Variants in SETX observed in about 807,000 individuals in gnomAD.
The protein encoded by SETX is helicase senataxin.
In SETX, 90 loss-of-function variants were observed where a neutral mutation model predicts 227.2. The observed-to-expected ratio is 0.40, with a 90% CI of 0.33 to 0.47. The LOEUF is 0.47. Ranked by LOEUF, SETX falls within the 20% of genes least tolerant of loss-of-function variation. The probability of loss-of-function intolerance (pLI) is 0.91; values close to 1 mark genes in which losing one functional copy is unlikely to be tolerated. For missense variants in SETX, 3,052 were observed against 3,181.5 expected, an observed-to-expected ratio of 0.96 and a Z score of 0.98; for synonymous variants, 1,210 against 1,113.2, an observed-to-expected ratio of 1.09 and a Z score of -1.73.
Position 132,349,251 on chromosome 9 carries a change from C to A in SETX, c.177+1G>T. The A allele has an allele frequency of 1.2e-6, 2 of 1,613,724 alleles. No individual in the cohort carries two copies. The highest frequency in any genetic ancestry group is 1.1e-5 in the South Asian group (1 of 91,062). On this transcript the variant is annotated splice_donor_variant, in intron 3 of 25. Transcript: ENST00000224140. LOFTEE classifies it high-confidence loss of function. ...AATATTGCCCATCTAATATATTTTA[C>A]CTCATGCAAGAATGGCAATTCATCT...
chr9:132,302,356 CAAAAAA>C (rs35649212), intron 11 of SETX, among the ~76,000 whole-genome samples: 2 of 27,802 alleles, frequency 7.2e-5, no homozygotes, highest in Admixed American at 4.0e-4. Context: ...GAATCCATCT[CAAAAAA>C]AAAAAAAAAA....
At chr9:132,302,694 A>T (rs554610304) in intron 11 of SETX, among the ~76,000 whole-genome samples, 1 of 150,874 alleles carries the variant, frequency 6.6e-6, no homozygotes, top group Non-Finnish European at 1.5e-5. Context: ...AAAAAAAAAA[A>T]AAAACCAGCA....
intron 10 of SETX, among the ~76,000 whole-genome samples, chr9:132,320,887 A>C (rs1042340094): frequency 9.2e-5 from 14 of 151,772 alleles, no homozygotes; most frequent in African/African-American, 3.2e-4. Context: ...GAATGGAACT[A>C]ACTCAGCAAG....
In SETX at chr9:132,349,386, T is replaced by C. The variant is rs151040199; in HGVS notation, c.43A>G (p.Ile15Val). ...GAAGCATAGCGCTTTAGGAAGTCAATGGTGGAAGCACCACCTGGCGTACAC... is the reference window on the plus strand; with the variant it reads ...GAAGCATAGCGCTTTAGGAAGTCAACGGTGGAAGCACCACCTGGCGTACAC... ...CWCTPGGAST[I>V]DFLKRYASNT... The change falls in exon 3 of 26, where the codon ATT becomes GTT. Residue 15 changes from isoleucine (I) to valine (V), a missense_variant. By Grantham distance (29) the Ile-to-Val change is conservative (BLOSUM62 3). Transcript: ENST00000224140. 1.8e-5 allele frequency: 29 copies of C among 1,614,058 alleles called. No homozygotes were observed. Among genetic ancestry groups the C allele is most frequent in the Non-Finnish European group, 2.4e-5 (28 of 1,180,050 alleles).
intron 11 of SETX, among the ~76,000 whole-genome samples, chr9:132,302,743 G>A (rs540538647): frequency 1.6e-4 from 23 of 141,570 alleles, no homozygotes; most frequent in African/African-American, 6.0e-4. Flanking sequence ...TTCTAAAACT[G>A]ATGACAATAA....
Position 132,328,962 on chromosome 9 carries a change from A to C in SETX, c.2636T>G (p.Phe879Cys). 1 of 1,609,486 alleles carries C rather than the reference A, an allele frequency of 6.2e-7. No individual in the cohort carries two copies. The highest frequency in any genetic ancestry group is 2.2e-5 in the East Asian group (1 of 44,850). Residue 879 changes from phenylalanine to cysteine, a missense_variant, in exon 10 of 26, where the codon TTC becomes TGC. By Grantham distance (205) the Phe-to-Cys change is radical (BLOSUM62 -2). This residue lies in a region of SETX where 1,483 missense variants were observed against 1,312.0 expected (regional missense o/e 1.13). Transcript: ENST00000224140. Reference protein sequence around the residue: ...LKNEELVIFSFHENNCKIQEF... With the variant: ...LKNEELVIFSCHENNCKIQEF... ...CTGTATTTTACAATTGTTTTCATGG[A>C]AAGAGAAAATAACTAATTCTTCATT...
intron 4 of SETX, among the ~76,000 whole-genome samples, chr9:132,346,042 C>T (rs1439332862): frequency 4.6e-5 from 7 of 152,028 alleles, no homozygotes; most frequent in Admixed American, 4.6e-4. Context: ...AAACAATCTT[C>T]AGTTACCCTC....
chr9:132,326,895 T>C lies in SETX; in HGVS notation c.4703A>G (p.His1568Arg). The C allele has an allele frequency of 1.2e-6, 2 of 1,614,062 alleles. No individual in the cohort carries two copies. Among genetic ancestry groups the C allele is most frequent in the East Asian group, 2.2e-5 (1 of 44,880 alleles). ...TTCATCTGCTGCTTTCACTTCAGAG[T>C]GTTTTGGGCAGTATTCACCCTGGTT... ...TKNQGEYCPKHSEVKAADEDV... is the reference protein window; with the variant it reads ...TKNQGEYCPKRSEVKAADEDV... Residue 1568 changes from histidine (H) to arginine (R), a missense_variant, in exon 10 of 26, where the codon CAC (histidine) becomes CGC (arginine). Transcript: ENST00000224140.
At position 132,328,262 on chromosome 9, in the gene SETX, A is replaced by G. The variant is rs150687078; in HGVS notation, c.3336T>C (p.Ala1112=). ...GACCATTTGTAGTATTGGCTATAGG[A>G]GCCAAACATTTTTTCTCACCATCTT... The part of the protein sequence containing the change: ...SVQDGEKKCL[A]PIANTTNGQG... The change falls in exon 10 of 26, where the codon GCT becomes GCC. Residue 1112 remains alanine, a synonymous_variant. Coordinates refer to ENST00000224140, the MANE Select transcript of SETX (RefSeq NM_015046.7). 7.8e-4 allele frequency: 1,265 copies of G among 1,613,956 alleles called. No homozygotes were observed. The highest frequency in any genetic ancestry group is 1.0e-3 in the Non-Finnish European group (1,206 of 1,180,012).
chr9:132,275,589 A>C (rs1388239313), intron 22 of SETX, among the ~76,000 whole-genome samples, 169 bp from the exon 23 acceptor site: 1 of 152,218 alleles, frequency 6.6e-6, no homozygotes, highest in East Asian at 1.9e-4. Context: ...ATGACCATTA[A>C]TATGGTATAT....
Position 132,297,049 on chromosome 9 carries a change from C to T in SETX, c.5787G>A (p.Ala1929=), listed in dbSNP as rs375771474. 31 of 1,610,770 alleles carry T rather than the reference C, an allele frequency of 1.9e-5. No homozygotes were observed. Among genetic ancestry groups the T allele is most frequent in the African/African-American group, 9.4e-5 (7 of 74,804 alleles). Residue 1929 remains alanine, a synonymous_variant, in exon 14 of 26, where the codon GCG becomes GCA. Coordinates refer to ENST00000224140, the MANE Select transcript of SETX (RefSeq NM_015046.7). The part of the protein sequence containing the change: ...LLTTTSERII[A]YLRDFNEDQK... ...GATCTTCATTGAAATCTCTTAAGTACGCAATCTATATAAAAAACACATTTT... is the reference window on the plus strand; with the variant it reads ...GATCTTCATTGAAATCTCTTAAGTATGCAATCTATATAAAAAACACATTTT...
chr9:132,311,379 GTA>G (rs1321934246), intron 11 of SETX, among the ~76,000 whole-genome samples: 2 of 152,048 alleles, frequency 1.3e-5, no homozygotes, highest in African/African-American at 4.8e-5. Flanking sequence ...TTTATAACTA[GTA>G]TATAAAAGTG....
At chr9:132,287,105 AACCTAATTTG>A (rs1475107828) in intron 17 of SETX, among the ~76,000 whole-genome samples, 4 of 152,176 alleles carry the variant, frequency 2.6e-5, no homozygotes, top group African/African-American at 9.7e-5. Context: ...CTTTCTGTCT[AACCTAATTTG>A]AACTGGGCTC....
intron 23 of SETX, among the ~76,000 whole-genome samples, chr9:132,274,131 G>A (rs568305068): frequency 3.2e-4 from 49 of 152,006 alleles, no homozygotes; most frequent in African/African-American, 1.2e-3. Flanking sequence ...AATCCCACTT[G>A]GTCTTGATGT....
chr9:132,305,007 A>T (rs1845240752), intron 11 of SETX, among the ~76,000 whole-genome samples: 1 of 151,856 alleles, frequency 6.6e-6, no homozygotes, highest in Admixed American at 6.6e-5. Context: ...AAAAAAAGAA[A>T]AAAAAGAATA....
In SETX at chr9:132,269,711, TA is replaced by T; in HGVS notation, c.7200-10del. The T allele has an allele frequency of 6.2e-7, 1 of 1,613,428 alleles. No homozygotes were observed. On this transcript the variant is annotated splice_polypyrimidine_tract_variant and intron_variant, in intron 24 of 25. Coordinates refer to ENST00000224140, the MANE Select transcript of SETX (RefSeq NM_015046.7). ...GCAAACTTGCCAGGAATCTAGGCAATAAAAAAAGAGTTCCTTCTTTGTCTAG... is the reference window on the plus strand; with the variant it reads ...GCAAACTTGCCAGGAATCTAGGCAATAAAAAAGAGTTCCTTCTTTGTCTAG...
chr9:132,295,152 GC>G (rs1290131235), intron 15 of SETX, among the ~76,000 whole-genome samples: 2 of 152,120 alleles, frequency 1.3e-5, no homozygotes, highest in African/African-American at 4.8e-5. Flanking sequence ...TCACTTTAGT[GC>G]CCTGAATCAT....
At chr9:132,340,452 T>C (rs765997) in intron 5 of SETX, among the ~76,000 whole-genome samples, 93 of 152,396 alleles carry the variant, frequency 6.1e-4, no homozygotes, top group African/African-American at 2.2e-3. Flanking sequence ...TACTGGCTCC[T>C]ATCAGGCGGT....
At chr9:132,354,662 GT>G (rs1483611564) in intron 1 of SETX, among the ~76,000 whole-genome samples, 1 of 152,078 alleles carries the variant, frequency 6.6e-6, no homozygotes, top group Non-Finnish European at 1.5e-5. Context: ...CGAGACCGCA[GT>G]GTAGACAACG....
Sources: allele counts gnomAD v4.1 joint callset (sites outside exome capture counted in the v4.1 genomes callset), GRCh38; gene constraint gnomAD v4.1.1; regional missense constraint gnomAD v4.1.1; transcripts MANE v1.5; gene names NCBI Gene and HGNC (gene_info 2026-07-23, HGNC 2026-07-21).